The following PLAC1 variants were observed in gnomAD, a reference collection of about 807,000 sequenced individuals.
PLAC1 encodes placenta-specific protein 1.
For synonymous variants in PLAC1, 68 were observed against 62.1 expected (o/e 1.09, Z -0.44); for missense variants, 136 against 163.2 (o/e 0.83, Z 0.91).
At position 134,669,549 on chromosome X, in the gene PLAC1, G is replaced by A. The variant is rs765258146; in HGVS notation, n.174+63886C>T. 5.3e-5 allele frequency among the ~76,000 whole-genome samples: 6 copies of A among 112,378 alleles called. No homozygotes were observed. In the Admixed American group the frequency reaches 5.6e-4, roughly 11 times the overall value. ...TTGGTGGGGGAGCACAGAGGAGAAG[G>A]CCAAACTCAGACAGACGGAATACAG... is the stretch of plus-strand genomic sequence containing the variant. On this transcript the variant is annotated intron_variant and non_coding_transcript_variant, in intron 2 of 2. Transcript: ENST00000466797.
chrX:134,572,137 T>C (rs1308146273), intron 2 of PLAC1, among the ~76,000 whole-genome samples: 4 of 111,386 alleles, frequency 3.6e-5, no homozygotes, highest in African/African-American at 1.3e-4. Flanking sequence ...AAAATGAATC[T>C]GAGTCAGAAT....
chrX:134,614,692 T>C (rs1416491379), intron 1 of PLAC1, among the ~76,000 whole-genome samples: 2 of 111,847 alleles, frequency 1.8e-5, no homozygotes, highest in Non-Finnish European at 3.8e-5. Context: ...TGGAGTGCAG[T>C]GGTGCCATCA....
chrX:134,617,082 G>A (rs1340703322), intron 1 of PLAC1, among the ~76,000 whole-genome samples: 1 of 109,037 alleles, frequency 9.2e-6, no homozygotes, highest in Non-Finnish European at 1.9e-5. Flanking sequence ...TCCACCTCCC[G>A]GGTTCAAGCG....
At chrX:134,669,953 G>A (rs916312412) in intron 2 of PLAC1, among the ~76,000 whole-genome samples, 9 of 112,107 alleles carry the variant, frequency 8.0e-5, no homozygotes, top group Middle Eastern at 9.2e-3. Flanking sequence ...ACCATCTCCA[G>A]GAAATGCCGA....
At chrX:134,578,342 G>A (rs184309598) in intron 2 of PLAC1, among the ~76,000 whole-genome samples, 235 of 103,009 alleles carry the variant, frequency 2.3e-3, no homozygotes, top group African/African-American at 8.1e-3. Context: ...GAACCCGGGA[G>A]GCAGAACTTG....
chrX:134,726,424 G>A (rs1200345505), intron 2 of PLAC1, among the ~76,000 whole-genome samples: 1 of 111,788 alleles, frequency 8.9e-6, no homozygotes, highest in Non-Finnish European at 1.9e-5. Flanking sequence ...ATCGGGACCT[G>A]TTTTATTCAT....
chrX:134,577,387 G>T (rs1308251265), intron 2 of PLAC1, among the ~76,000 whole-genome samples: 1 of 111,783 alleles, frequency 8.9e-6, no homozygotes, highest in African/African-American at 3.3e-5. Flanking sequence ...CTACGTCAGA[G>T]GCTAGAGTAG....
Position 134,676,885 on chromosome X carries a change from T to A in PLAC1, n.174+56550A>T, listed in dbSNP as rs1273970462. Among the ~76,000 whole-genome samples, 3 of 112,204 alleles carry A rather than the reference T, an allele frequency of 2.7e-5. No individual in the cohort carries two copies. The Admixed American group carries it at 2.8e-4, about 11-fold the overall frequency. ...AATTCTGACTCTACTACTTCCTGCCTGGGTGGCCTTGGGCAAAGTTACTAA... is the reference window on the plus strand; with the variant it reads ...AATTCTGACTCTACTACTTCCTGCCAGGGTGGCCTTGGGCAAAGTTACTAA... On this transcript the variant is annotated intron_variant and non_coding_transcript_variant, in intron 2 of 2. Coordinates refer to the PLAC1 transcript ENST00000466797.
chrX:134,646,351 GT>G (rs2078333539), intron 1 of PLAC1, among the ~76,000 whole-genome samples: 1 of 111,943 alleles, frequency 8.9e-6, no homozygotes, highest in African/African-American at 3.3e-5. Context: ...TCCCTTTTCC[GT>G]TTTCTAATTA....
chrX:134,573,623 C>T (rs891312151), intron 2 of PLAC1, among the ~76,000 whole-genome samples: 1 of 111,825 alleles, frequency 8.9e-6, no homozygotes, highest in Non-Finnish European at 1.9e-5. Context: ...TAGATGGCTT[C>T]CAAAAATGGT....
In PLAC1 at chrX:134,695,734, T is replaced by C. The variant is rs2078560719; in HGVS notation, n.174+37701A>G. ...TGTGATCATTCTAATCCTGTTTCCT[T>C]ACAGCCAATAAATTATTGATAAAAG... is the stretch of plus-strand genomic sequence containing the variant. On this transcript the variant is annotated intron_variant and non_coding_transcript_variant, in intron 2 of 2. Transcript: ENST00000466797. Among the ~76,000 whole-genome samples the C allele has an allele frequency of 6.2e-5, 7 of 112,535 alleles. No homozygotes were observed. In the South Asian group the frequency reaches 2.6e-3, roughly 41 times the overall value.
intron 1 of PLAC1, among the ~76,000 whole-genome samples, chrX:134,653,987 G>T (rs2078376423): frequency 8.9e-6 from 1 of 111,952 alleles, no homozygotes; most frequent in African/African-American, 3.2e-5. Flanking sequence ...CATTTGCAAG[G>T]AGGAGTCTTA....
In PLAC1 at chrX:134,658,372, T is replaced by G. The variant is rs2078402874; in HGVS notation, c.-175A>C. 8.9e-6 allele frequency: 1 copy of G among 112,788 alleles called. No homozygotes were observed. Among genetic ancestry groups the G allele is most frequent in the East Asian group, 2.8e-4 (1 of 3,590 alleles). 9.3% of individuals were successfully genotyped at this position (112,788 alleles called of 1,213,427 possible). ...AAGAAGGAACTTGCTGTGTCTGTAT[T>G]TGCCCCCAGGATTGGAAAAATGTAT... On this transcript the variant is annotated 5_prime_UTR_variant, in exon 1 of 3. Coordinates refer to ENST00000359237, the MANE Select transcript of PLAC1 (RefSeq NM_021796.4).
intron 1 of PLAC1, among the ~76,000 whole-genome samples, chrX:134,760,733 T>C (rs2078767735): frequency 9.0e-6 from 1 of 111,512 alleles, no homozygotes; most frequent in Non-Finnish European, 1.9e-5. Flanking sequence ...CCATACACCC[T>C]GCAACGTGAC....
chrX:134,585,175 CAAAAAAAAAAAAAAAAAA>C (rs56343935), intron 2 of PLAC1, among the ~76,000 whole-genome samples: 1 of 33,492 alleles, frequency 3.0e-5, no homozygotes, highest in Non-Finnish European at 4.6e-5. Context: ...ACTAAAAGTA[CAAAAAAAAAAAAAAAAAA>C]AAAAAAGCCG....
chrX:134,701,815 C>T (rs758620821), intron 2 of PLAC1, among the ~76,000 whole-genome samples: 21 of 112,139 alleles, frequency 1.9e-4, no homozygotes, highest in African/African-American at 6.5e-4. Context: ...GTCAGGAGTT[C>T]GAGACCAGCC....
At chrX:134,639,780 A>G (rs187821747) in intron 1 of PLAC1, among the ~76,000 whole-genome samples, 65 of 111,398 alleles carry the variant, frequency 5.8e-4, no homozygotes, top group African/African-American at 2.1e-3. Flanking sequence ...CAACTCTACA[A>G]ATTTACCTAT....
At chrX:134,569,784 G>T (rs868691516) in intron 2 of PLAC1, among the ~76,000 whole-genome samples, 24 of 99,647 alleles carry the variant, frequency 2.4e-4, no homozygotes, top group African/African-American at 3.4e-4. Context: ...GTGTGTGTGT[G>T]TGTTTGTGTG....
chrX:134,657,681 G>A (rs1316983963), intron 1 of PLAC1, among the ~76,000 whole-genome samples: 2 of 109,972 alleles, frequency 1.8e-5, no homozygotes, highest in African/African-American at 6.6e-5. Context: ...CTGTGAATCT[G>A]TTTCCTCTCA....
Sources: allele counts gnomAD v4.1 joint callset (sites outside exome capture counted in the v4.1 genomes callset), GRCh38; gene constraint gnomAD v4.1.1; transcripts MANE v1.5; gene names NCBI Gene and HGNC (gene_info 2026-07-23, HGNC 2026-07-21).